Variants in STING1 observed in about 807,000 individuals in gnomAD.
STING1 encodes the protein stimulator of interferon response cGAMP interactor 1, also known as stimulator of interferon genes protein.
A neutral mutation model predicts 31.6 loss-of-function variants in STING1; 19 were observed. The observed-to-expected ratio is 0.60, with a 90% CI of 0.42 to 0.88. The LOEUF (loss-of-function observed/expected upper bound fraction) is 0.88, where lower values mean the gene tolerates loss of function less well. Among genes scored for constraint, STING1 ranks in the 40% least tolerant of loss-of-function variants. The pLI, the probability that STING1 is intolerant of heterozygous loss-of-function variation, is 0.00. For synonymous variants in STING1, 200 were observed against 208.6 expected (o/e 0.96, Z 0.35); for missense variants, 371 against 483.7 (o/e 0.77, Z 2.19).
intron 5 of STING1, chr5:139,479,239 C>G (rs1224850786): frequency 1.8e-5 from 1 of 56,904 alleles, no homozygotes; most frequent in Non-Finnish European, 3.5e-5. Context: ...CTCAAAACAA[C>G]AACAACAACA....
intron 6 of STING1, 136 bp from the exon 7 acceptor site, chr5:139,477,651 G>C: frequency 1.1e-6 from 1 of 880,752 alleles, no homozygotes; most frequent in Non-Finnish European, 1.7e-6. Flanking sequence ...AGAGTCCTGG[G>C]AGGTGGCCAC....
In STING1 at chr5:139,478,427, AGAATATACAGCCGCT is replaced by A. The variant is rs1751729501; in HGVS notation, c.587_601del (p.Gln196_Ile200del). On this transcript the variant is annotated inframe_deletion, in exon 6 of 8. Transcript: ENST00000330794. Reference sequence around the variant, plus strand: ...AGGCACCCCACAGTCCAATGGGAGGAGAATATACAGCCGCTGGCTCACTGCACCCCGTAGCAGGTT... The same window carrying A: ...AGGCACCCCACAGTCCAATGGGAGGAGGCTCACTGCACCCCGTAGCAGGTT... 6.2e-7 allele frequency: 1 copy of A among 1,614,134 alleles called. No homozygotes were observed. Among genetic ancestry groups the A allele is most frequent in the Non-Finnish European group, 8.5e-7 (1 of 1,180,020 alleles).
Position 139,481,102 on chromosome 5 carries a change from G to T in STING1, c.411+57C>A. 5.1e-6 allele frequency: 8 copies of T among 1,572,978 alleles called. No homozygotes were observed. The highest frequency in any genetic ancestry group is 5.2e-6 in the Non-Finnish European group (6 of 1,144,098). On this transcript the variant is annotated intron_variant, in intron 4 of 7. Transcript: ENST00000330794. This position sits in a 1 kb window ranked among gnomAD's most constrained non-coding sequence, Gnocchi z 4.1. ...ACTCCCAGTACTCAGCTCAGGGCAG[G>T]TCACACCAGCCACAGCCACCACTTG...
Position 139,481,916 on chromosome 5 carries a change from G to A in STING1, c.1-212C>T. 3.6e-6 allele frequency: 2 copies of A among 561,432 alleles called. No homozygotes were observed. The highest frequency in any genetic ancestry group is 6.3e-6 in the Non-Finnish European group (2 of 315,260). 34.8% of individuals were successfully genotyped at this position (561,432 alleles called of 1,614,324 possible). A position where few individuals can be genotyped will look rare whatever the true frequency, so the allele number is the denominator to read the frequency against. ...CGAGGTTTGCTGAAAACAGAGCAGG[G>A]CCTGCACATACACGCCCCACCAAGA... is the stretch of plus-strand genomic sequence containing the variant. On this transcript the variant is annotated intron_variant, in intron 2 of 7. Coordinates refer to ENST00000330794, the MANE Select transcript of STING1 (RefSeq NM_198282.4). This position sits in a 1 kb window ranked among gnomAD's most constrained non-coding sequence, Gnocchi z 4.1.
At chr5:139,478,164 C>T (rs1751717082) in intron 6 of STING1, 106 bp downstream of exon 6, 1 of 859,344 alleles carries the variant, frequency 1.2e-6, no homozygotes, top group East Asian at 2.4e-5. Context: ...GCTAGGGACA[C>T]TACAGCTCAG....
Position 139,477,374 on chromosome 5 carries a change from CT to C in STING1, c.900del (p.Asp301MetfsTer46). On this transcript the variant is annotated frameshift_variant, in exon 7 of 8. Transcript: ENST00000330794. LOFTEE classifies it low-confidence loss of function (END_TRUNC). ...LFCRTLEDIL[A>X]DAPESQNNCR... ...CAGTTGTTCTGAGACTCAGGGGCAT[CT>C]GCCAGGATGTCCTCAAGTGTCCGGC... 1 of 1,614,190 alleles carries C rather than the reference CT, an allele frequency of 6.2e-7. No homozygotes were observed. Among genetic ancestry groups the C allele is most frequent in the Non-Finnish European group, 8.5e-7 (1 of 1,180,024 alleles).
chr5:139,475,755 C>T lies in STING1; in HGVS notation c.*506G>A, dbSNP rs113845932. On this transcript the variant is annotated 3_prime_UTR_variant, in exon 8 of 8. Transcript: ENST00000330794. ...AACCTTGATGCTGCAGGGTGGGAGC[C>T]GGGGGATTCAATACCCCAAACTCAG... 58 of 153,102 alleles carry T rather than the reference C, an allele frequency of 3.8e-4. No homozygotes were observed. Among genetic ancestry groups the T allele is most frequent in the South Asian group, 8.2e-4 (4 of 4,852 alleles). 9.5% of individuals were successfully genotyped at this position (153,102 alleles called of 1,614,324 possible). A position where few individuals can be genotyped will look rare whatever the true frequency, so the allele number is the denominator to read the frequency against.
chr5:139,481,015 A>G lies in STING1; in HGVS notation c.412-117T>C. On this transcript the variant is annotated intron_variant, in intron 4 of 7. Transcript: ENST00000330794. The surrounding 1 kb of genome is among the most constrained non-coding windows in gnomAD (Gnocchi z 4.1). The stretch of plus-strand genomic sequence containing the variant: ...CTTGATCCCTCTTTTGCCATTGCCA[A>G]ACCCACTGTTCCAGGACATTATAGG... The G allele has an allele frequency of 8.3e-7, 1 of 1,209,898 alleles. No homozygotes were observed. Among genetic ancestry groups the G allele is most frequent in the Non-Finnish European group, 1.2e-6 (1 of 830,272 alleles). 74.9% of individuals were successfully genotyped at this position (1,209,898 alleles called of 1,614,324 possible).
In STING1 at chr5:139,479,848, C is replaced by CAAAAAAAAAAAAA. The variant is rs1168023127; in HGVS notation, c.520+929_520+941dup. 2.0e-4 allele frequency among the ~76,000 whole-genome samples: 7 copies of CAAAAAAAAAAAAA among 34,912 alleles called. 1 individual carries two copies. The highest frequency in any genetic ancestry group is 5.3e-4 in the Admixed American group (1 of 1,874). The allele number at this position is 34,912 out of a possible 152,430, so 22.9% of individuals were successfully genotyped here. ...TGAAACCCTGTCTCTACTAAAAATA[C>CAAAAAAAAAAAAA]AAAAAAAAAAAAAAAAAAAAAAAAA... On this transcript the variant is annotated intron_variant, in intron 5 of 7. Coordinates refer to ENST00000330794, the MANE Select transcript of STING1 (RefSeq NM_198282.4).
intron 5 of STING1, among the ~76,000 whole-genome samples, chr5:139,479,701 T>TAA (rs79747590): frequency 4.1e-5 from 5 of 123,234 alleles, no homozygotes; most frequent in South Asian, 2.5e-4. Context: ...AACTCCATCT[T>TAA]AAAAAAAAAA....
intron 5 of STING1, among the ~76,000 whole-genome samples, chr5:139,479,388 C>G (rs771467170): frequency 3.3e-5 from 5 of 151,374 alleles, no homozygotes; most frequent in Non-Finnish European, 4.4e-5. Flanking sequence ...GGATAAATCA[C>G]TTTACCTCTC....
rs201271148 is a variant in STING1 at position 139,481,657 on chromosome 5, G to A, written c.48C>T (p.His16=). The A allele has an allele frequency of 1.6e-5, 26 of 1,611,056 alleles. No individual in the cohort carries two copies. In the Admixed American group the frequency reaches 3.2e-4, roughly 20 times the overall value. ...LHPSIPCPRG[H]GAQKAALVLL... ...GAACCAAGGCTGCCTTCTGGGCCCCGTGACCCCTGGGACACGGGATGGATG... is the reference window on the plus strand; with the variant it reads ...GAACCAAGGCTGCCTTCTGGGCCCCATGACCCCTGGGACACGGGATGGATG... The change falls in exon 3 of 8, where the codon CAC becomes CAT. Residue 16 remains histidine (H), a synonymous_variant. Coordinates refer to ENST00000330794, the MANE Select transcript of STING1 (RefSeq NM_198282.4). The surrounding 1 kb of genome is among the most constrained non-coding windows in gnomAD (Gnocchi z 4.1).
chr5:139,478,236 C>A (rs748038100), intron 6 of STING1, 34 bp downstream of exon 6: 3 of 1,539,928 alleles, frequency 1.9e-6, no homozygotes, highest in Non-Finnish European at 2.7e-6. Context: ...GTCCTGACCC[C>A]TCCTCAGAGA....
In STING1 at chr5:139,477,277, T is replaced by C. The variant is rs368845530; in HGVS notation, c.946+52A>G. ...ACTCTTTGGGAGACCCTGGGACCCCTGACTCCTCCTGCCCTCCAGCCTATC... is the reference window on the plus strand; with the variant it reads ...ACTCTTTGGGAGACCCTGGGACCCCCGACTCCTCCTGCCCTCCAGCCTATC... On this transcript the variant is annotated intron_variant, in intron 7 of 7. Transcript: ENST00000330794. The C allele has an allele frequency of 6.9e-6, 11 of 1,584,632 alleles. No individual in the cohort carries two copies. The African/African-American group carries it at 9.4e-5, about 14-fold the overall frequency.
Position 139,481,793 on chromosome 5 carries a change from T to C in STING1, c.1-89A>G. ...CTCTGGCTGGGCACTTCCTCCCAGT[T>C]CCCCTTTCCCTGGTGCCCAGCCACT... On this transcript the variant is annotated intron_variant, in intron 2 of 7. Transcript: ENST00000330794. The surrounding 1 kb of genome is among the most constrained non-coding windows in gnomAD (Gnocchi z 4.1). 9.0e-7 allele frequency: 1 copy of C among 1,115,866 alleles called. No homozygotes were observed. The highest frequency in any genetic ancestry group is 1.5e-5 in the African/African-American group (1 of 64,558). 69.1% of individuals were successfully genotyped at this position (1,115,866 alleles called of 1,614,324 possible).
At chr5:139,478,640 T>A in intron 5 of STING1, 132 bp from the exon 6 acceptor site, 1 of 789,086 alleles carries the variant, frequency 1.3e-6, no homozygotes, top group East Asian at 2.5e-5. Flanking sequence ...ACTCTCATTG[T>A]ACAGGAGGCC....
intron 5 of STING1, among the ~76,000 whole-genome samples, chr5:139,480,476 G>A (rs892281327): frequency 3.3e-5 from 5 of 152,134 alleles, no homozygotes; most frequent in Non-Finnish European, 7.3e-5. Flanking sequence ...AACTTGGAAG[G>A]AGGAGGTTGC....
intron 5 of STING1, chr5:139,478,747 G>A (rs545765671): frequency 1.8e-5 from 9 of 498,852 alleles, no homozygotes; most frequent in South Asian, 7.2e-5. Context: ...CTATGTCAGC[G>A]CCACCCCTTT....
chr5:139,478,499 G>C lies in STING1; in HGVS notation c.530C>G (p.Ala177Gly). 6.2e-7 allele frequency: 1 copy of C among 1,613,898 alleles called. No individual in the cohort carries two copies. Among genetic ancestry groups the C allele is most frequent in the Non-Finnish European group, 8.5e-7 (1 of 1,179,896 alleles). The change falls in exon 6 of 8, where the codon GCC becomes GGC. Residue 177 changes from alanine to glycine, a missense_variant. By Grantham distance (60) the Ala-to-Gly change is moderately conservative. Coordinates refer to ENST00000330794, the MANE Select transcript of STING1 (RefSeq NM_198282.4). ...ATGCTGATTGTAAGTTCGAATCCGG[G>C]CCTGGAGCTCTGAGGCAGGGAAGCC... ...YLRLILPELQARIRTYNQHYN... is the reference protein window; with the variant it reads ...YLRLILPELQGRIRTYNQHYN...
Sources: allele counts gnomAD v4.1 joint callset (sites outside exome capture counted in the v4.1 genomes callset), GRCh38; gene constraint gnomAD v4.1.1; non-coding constraint Gnocchi (gnomAD v3.1); transcripts MANE v1.5; gene names NCBI Gene and HGNC (gene_info 2026-07-23, HGNC 2026-07-21).